Variants in KRT27 observed in about 807,000 individuals in gnomAD.
The protein encoded by KRT27 is keratin 27.
Under a neutral mutation model 45.3 loss-of-function variants are expected in KRT27, and 30 were observed. That is an observed-to-expected ratio of 0.66 (90% CI 0.50 to 0.90). The LOEUF is 0.90. Among genes scored for constraint, KRT27 ranks in the 40% least tolerant of loss-of-function variants. The pLI is 0.00. For missense variants in KRT27, 610 were observed against 564.3 expected, an observed-to-expected ratio of 1.08 and a Z score of -0.82; for synonymous variants, 204 against 223.9, an observed-to-expected ratio of 0.91 and a Z score of 0.79.
rs768406219 is a variant in KRT27, at chr17:40,779,572, C to T, written c.902G>A (p.Arg301Gln). ...GCGTTTCATCTCGATAAGCTCATTC[C>T]GGGCTGAGGTGGTGGCGCCAGCGTC... ...SDDAGATTSA[R>Q]NELIEMKRTL... Residue 301 changes from arginine (R) to glutamine (Q), a missense_variant, in exon 5 of 8, where the codon CGG (arginine) becomes CAG (glutamine). Coordinates refer to ENST00000301656, the MANE Select transcript of KRT27 (RefSeq NM_181537.4). 3.7e-6 allele frequency: 6 copies of T among 1,614,220 alleles called. No individual in the cohort carries two copies. Among genetic ancestry groups the T allele is most frequent in the Admixed American group, 1.7e-5 (1 of 60,026 alleles).
rs141587650 is a variant in KRT27 at position 40,782,316 on chromosome 17, C to G, written c.178G>C (p.Gly60Arg). The G allele has an allele frequency of 1.2e-6, 2 of 1,614,168 alleles. No homozygotes were observed. Among genetic ancestry groups the G allele is most frequent in the South Asian group, 2.2e-5 (2 of 91,082 alleles). The part of the protein sequence containing the change: ...GGSSSAGGYG[G>R]GLGGGSASCA... Reference sequence around the variant, plus strand: ...GAAGCACTTCCCCCGCCCAGACCTCCGCCATAGCCTCCTGCAGATGAGCTG... The same window carrying G: ...GAAGCACTTCCCCCGCCCAGACCTCGGCCATAGCCTCCTGCAGATGAGCTG... The change falls in exon 1 of 8, where the codon GGA becomes CGA. Residue 60 changes from glycine (G) to arginine (R), a missense_variant. By Grantham distance (125) the Gly-to-Arg change is moderately radical (BLOSUM62 -2). Transcript: ENST00000301656.
intron 5 of KRT27, among the ~76,000 whole-genome samples, chr17:40,778,633 T>G (rs1250466793): frequency 1.3e-5 from 2 of 152,012 alleles, no homozygotes; most frequent in African/African-American, 4.8e-5. Flanking sequence ...GCGGAAGTGC[T>G]GGGCAAACCC....
intron 1 of KRT27, 83 bp downstream of exon 1, chr17:40,781,967 T>C: frequency 1.7e-6 from 2 of 1,193,652 alleles, no homozygotes; most frequent in Non-Finnish European, 1.2e-6. Flanking sequence ...AGCCCTGTTA[T>C]TGTGATAGCT....
chr17:40,780,598 C>A, intron 2 of KRT27, 142 bp from the exon 3 acceptor site: 4 of 667,956 alleles, frequency 6.0e-6, no homozygotes, highest in South Asian at 2.1e-5. Flanking sequence ...CGGTGGCTCA[C>A]GCCTGTAATC....
chr17:40,782,038 G>C lies in KRT27; in HGVS notation c.444+12C>G. The C allele has an allele frequency of 6.2e-7, 1 of 1,602,542 alleles. No homozygotes were observed. Among genetic ancestry groups the C allele is most frequent in the Non-Finnish European group, 8.5e-7 (1 of 1,177,696 alleles). On this transcript the variant is annotated intron_variant, in intron 1 of 7. Transcript: ENST00000301656. ...TCAGGAGTGCTAACACTCACGCCATGGCGTTTCTTACCTGGTTCTTAAGTT... is the reference window on the plus strand; with the variant it reads ...TCAGGAGTGCTAACACTCACGCCATCGCGTTTCTTACCTGGTTCTTAAGTT...
At chr17:40,782,000 T>C in intron 1 of KRT27, 50 bp downstream of exon 1, 1 of 1,506,924 alleles carries the variant, frequency 6.6e-7, no homozygotes, top group East Asian at 2.3e-5. Context: ...CATCTGTGAG[T>C]GGCTAAACAC....
intron 7 of KRT27, 28 bp downstream of exon 7, chr17:40,777,225 C>T: frequency 6.2e-7 from 1 of 1,613,130 alleles, no homozygotes; most frequent in Non-Finnish European, 8.5e-7. Context: ...CAAATAAACA[C>T]TGAATGCCTA....
Position 40,779,505 on chromosome 17 carries a change from T to C in KRT27, c.969A>G (p.Ala323=). The C allele has an allele frequency of 1.2e-6, 2 of 1,609,126 alleles. No individual in the cohort carries two copies. Among genetic ancestry groups the C allele is most frequent in the Non-Finnish European group, 1.7e-6 (2 of 1,177,494 alleles). The change falls in exon 5 of 8, where the codon GCA becomes GCG. Residue 323 remains alanine (A), a synonymous_variant. Transcript: ENST00000301656. ...TLEIELQSLL[A]TKHSLECSLT... The stretch of plus-strand genomic sequence containing the variant: ...TGTTTTGTAACTTTTCGCTTACCGT[T>C]GCTAAGAGGGACTGAAGTTCAATCT...
chr17:40,780,214 T>C, intron 3 of KRT27, 86 bp downstream of exon 3: 1 of 1,315,900 alleles, frequency 7.6e-7, no homozygotes. Context: ...TGAATGTTAA[T>C]TTAAGACATT....
chr17:40,779,654 C>T lies in KRT27; in HGVS notation c.847-27G>A, dbSNP rs117743167. On this transcript the variant is annotated intron_variant, in intron 4 of 7. Transcript: ENST00000301656. The stretch of plus-strand genomic sequence containing the variant: ...TGGAACGGCAGGGGCCGCGTTAGGG[C>T]GCTGGGGCTGAGTCCGCGCCCGGGC... 2.1e-3 allele frequency: 3,384 copies of T among 1,613,620 alleles called. 107 individuals carry two copies. In the East Asian group the frequency reaches 0.063, roughly 30 times the overall value.
At position 40,782,448 on chromosome 17, in the gene KRT27, C is replaced by A. The variant is rs139116362; in HGVS notation, c.46G>T (p.Gly16Trp). The change falls in exon 1 of 8, where the codon GGG becomes TGG. Residue 16 changes from glycine to tryptophan, a missense_variant. Gly to Trp is a radical substitution (Grantham distance 184). Transcript: ENST00000301656. ...GAGAGCCTCACAGAGCCAGTGCCCCCGCAAGAGCCAAGTCTCCTGGAGGTA... is the reference window on the plus strand; with the variant it reads ...GAGAGCCTCACAGAGCCAGTGCCCCAGCAAGAGCCAAGTCTCCTGGAGGTA... The part of the protein sequence containing the change: ...SSTSRRLGSC[G>W]GTGSVRLSSG... The A allele has an allele frequency of 1.9e-6, 3 of 1,604,692 alleles. No individual in the cohort carries two copies. The highest frequency in any genetic ancestry group is 4.5e-5 in the East Asian group (2 of 44,092).
In KRT27 at chr17:40,777,026, G is replaced by C; in HGVS notation, c.1353C>G (p.Asn451Lys). 1 of 1,613,546 alleles carries C rather than the reference G, an allele frequency of 6.2e-7. No individual in the cohort carries two copies. Among genetic ancestry groups the C allele is most frequent in the South Asian group, 1.1e-5 (1 of 91,032 alleles). The change falls in exon 8 of 8, where the codon AAC (asparagine) becomes AAG (lysine). Residue 451 changes from asparagine (N) to lysine (K), a missense_variant. Coordinates refer to ENST00000301656, the MANE Select transcript of KRT27 (RefSeq NM_181537.4). ...AGGAAGACACCCTCTGTTCATTCTT[G>C]TTGTTGACTTTGGTGGATTTCTCTT... is the stretch of plus-strand genomic sequence containing the variant. ...TVEEKSTKVN[N>K]KNEQRVSS is the part of the protein sequence containing the mutation.
chr17:40,782,450 CA>C lies in KRT27; in HGVS notation c.43del (p.Cys15AlafsTer7). 6.2e-7 allele frequency: 1 copy of C among 1,603,568 alleles called. No homozygotes were observed. Among genetic ancestry groups the C allele is most frequent in the Non-Finnish European group, 8.5e-7 (1 of 1,174,940 alleles). On this transcript the variant is annotated frameshift_variant, in exon 1 of 8. Transcript: ENST00000301656. LOFTEE classifies it high-confidence loss of function. ...GAGCCTCACAGAGCCAGTGCCCCCG[CA>C]AGAGCCAAGTCTCCTGGAGGTAGAA... is the stretch of plus-strand genomic sequence containing the variant. ...FSSTSRRLGS[C>X]GGTGSVRLSS...
Position 40,779,506 on chromosome 17 carries a change from G to C in KRT27, c.968C>G (p.Ala323Gly), listed in dbSNP as rs1419603455. The change falls in exon 5 of 8, where the codon GCA (alanine) becomes GGA (glycine). Residue 323 changes from alanine to glycine, a missense_variant. Ala to Gly is a moderately conservative substitution (Grantham distance 60). Coordinates refer to ENST00000301656, the MANE Select transcript of KRT27 (RefSeq NM_181537.4). The stretch of plus-strand genomic sequence containing the variant: ...GTTTTGTAACTTTTCGCTTACCGTT[G>C]CTAAGAGGGACTGAAGTTCAATCTC... The part of the protein sequence containing the change: ...TLEIELQSLL[A>G]TKHSLECSLT... 3 of 1,610,984 alleles carry C rather than the reference G, an allele frequency of 1.9e-6. No homozygotes were observed. Among genetic ancestry groups the C allele is most frequent in the Non-Finnish European group, 2.5e-6 (3 of 1,178,186 alleles).
Position 40,776,984 on chromosome 17 carries a change from C to T in KRT27, c.*15G>A, listed in dbSNP as rs1267878163. 1.3e-6 allele frequency: 2 copies of T among 1,595,116 alleles called. No homozygotes were observed. Among genetic ancestry groups the T allele is most frequent in the Non-Finnish European group, 1.7e-6 (2 of 1,167,100 alleles). ...TATTTTAATTTGGGGGCCATTCTGTCTCAGAGGCTGGAGTTCAGGAAGACA... is the reference window on the plus strand; with the variant it reads ...TATTTTAATTTGGGGGCCATTCTGTTTCAGAGGCTGGAGTTCAGGAAGACA... On this transcript the variant is annotated 3_prime_UTR_variant, in exon 8 of 8. Coordinates refer to ENST00000301656, the MANE Select transcript of KRT27 (RefSeq NM_181537.4).
Position 40,780,375 on chromosome 17 carries a change from C to T in KRT27, c.609G>A (p.Leu203=), listed in dbSNP as rs1419496953. ...GCTGGATCTCCAGGTCCGTTCTGCA[C>T]AAGGTCAGCTCATCCAGGACTCTTC... ...GLRRVLDELT[L]CRTDLEIQLE... is the part of the protein sequence containing the mutation. Residue 203 remains leucine, a synonymous_variant, in exon 3 of 8, where the codon TTG becomes TTA. Transcript: ENST00000301656. 6.2e-7 allele frequency: 1 copy of T among 1,613,490 alleles called. No individual in the cohort carries two copies. The highest frequency in any genetic ancestry group is 1.3e-5 in the African/African-American group (1 of 74,924).
Position 40,778,036 on chromosome 17 carries a change from C to G in KRT27, c.973-304G>C. 9.2e-6 allele frequency: 3 copies of G among 326,286 alleles called. No homozygotes were observed. In the South Asian group the frequency reaches 1.3e-4, roughly 14 times the overall value. 20.2% of individuals were successfully genotyped at this position (326,286 alleles called of 1,614,324 possible). A position where few individuals can be genotyped will look rare whatever the true frequency, so the allele number is the denominator to read the frequency against. ...CTCCCCTGCACCAATATAGCCTGTG[C>G]TTGTAGAGTGTGGCACAATTTGCTA... is the stretch of plus-strand genomic sequence containing the variant. On this transcript the variant is annotated intron_variant, in intron 5 of 7. Transcript: ENST00000301656.
intron 5 of KRT27, 90 bp downstream of exon 5, chr17:40,779,412 T>TA: frequency 6.7e-7 from 1 of 1,482,342 alleles, no homozygotes. Flanking sequence ...GGTTAAAAAC[T>TA]AAAATATGTA....
Position 40,779,808 on chromosome 17 carries a change from GTTCAT to G in KRT27, c.733_737del (p.Met245ArgfsTer17). The G allele has an allele frequency of 6.2e-7, 1 of 1,614,214 alleles. No individual in the cohort carries two copies. Among genetic ancestry groups the G allele is most frequent in the Non-Finnish European group, 8.5e-7 (1 of 1,180,016 alleles). On this transcript the variant is annotated frameshift_variant, in exon 4 of 8. Transcript: ENST00000301656. LOFTEE classifies it high-confidence loss of function. ...CCGTGAGGTCTACCCCGGGGGCCGC[GTTCAT>G]CTCCACGTTCACGTTGCCTCCAGCC...
Sources: gnomAD v4.1 joint callset for allele counts (sites outside exome capture counted in the v4.1 genomes callset) on GRCh38, gnomAD v4.1.1 for gene constraint, MANE v1.5 for transcripts, NCBI Gene and HGNC (gene_info 2026-07-23, HGNC 2026-07-21) for gene names.